NUMBL: variants seen among roughly 807,000 people sequenced by gnomAD.
NUMBL encodes the protein numb-like protein.
A neutral mutation model predicts 48.9 loss-of-function variants in NUMBL; 20 were observed. The ratio of observed to expected loss-of-function variants is 0.41; its 90% CI spans 0.29 to 0.59. NUMBL has a LOEUF of 0.59. Ranked by LOEUF, NUMBL falls within the 20% of genes least tolerant of loss-of-function variation. The pLI is 0.31. For missense variants in NUMBL, 660 were observed against 846.2 expected (o/e 0.78, Z 2.73); for synonymous variants, 340 against 348.7 (o/e 0.98, Z 0.28).
rs938952626 is a variant in NUMBL, at chr19:40,687,605, C to T, written c.25-610G>A. ...CACATTCTCAGCCACATACAAAGAA[C>T]GGGGCCCAGACAACCCACTAGAGCC... On this transcript the variant is annotated intron_variant, in intron 1 of 9. Transcript: ENST00000252891. This position sits in a 1 kb window ranked among gnomAD's most constrained non-coding sequence, Gnocchi z 4.6. 1.3e-5 allele frequency among the ~76,000 whole-genome samples: 2 copies of T among 152,096 alleles called. No individual in the cohort carries two copies. The highest frequency in any genetic ancestry group is 2.9e-5 in the Non-Finnish European group (2 of 68,020).
chr19:40,668,247 GAC>G, intron 9 of NUMBL, 109 bp from the exon 10 acceptor site: 1 of 1,447,726 alleles, frequency 6.9e-7, no homozygotes, highest in Non-Finnish European at 9.1e-7. Context: ...TCTGGAGCCA[GAC>G]CGCCTGCCTC....
chr19:40,689,854 G>C (rs534713602), intron 1 of NUMBL, among the ~76,000 whole-genome samples: 1 of 151,892 alleles, frequency 6.6e-6, no homozygotes. Flanking sequence ...GGCTGGGGTG[G>C]GGTGGAGTCC....
chr19:40,684,651 G>T, intron 2 of NUMBL, 95 bp from the exon 3 acceptor site: 1 of 1,449,292 alleles, frequency 6.9e-7, no homozygotes, highest in Non-Finnish European at 9.2e-7. Context: ...CATGGGGTCA[G>T]ATAACAAGAT....
In NUMBL at chr19:40,673,401, G is replaced by A; in HGVS notation, c.979C>T (p.Leu327=). The A allele has an allele frequency of 6.2e-7, 1 of 1,613,692 alleles. No individual in the cohort carries two copies. The highest frequency in any genetic ancestry group is 2.2e-5 in the East Asian group (1 of 44,874). ...TGCAGCGTGGATGGCAGCTCATTCAGCCGTAGGCTCAGCTGCCGTTTGAAA... is the reference window on the plus strand; with the variant it reads ...TGCAGCGTGGATGGCAGCTCATTCAACCGTAGGCTCAGCTGCCGTTTGAAA... ...SPFKRQLSLR[L]NELPSTLQRR... Residue 327 remains leucine, a synonymous_variant, in exon 8 of 10, where the codon CTG becomes TTG. Transcript: ENST00000252891. The surrounding 1 kb of genome is among the most constrained non-coding windows in gnomAD (Gnocchi z 5.9).
In NUMBL at chr19:40,666,850, A is replaced by G. The variant is rs1486058588; in HGVS notation, c.*618T>C. On this transcript the variant is annotated 3_prime_UTR_variant, in exon 10 of 10. Coordinates refer to ENST00000252891, the MANE Select transcript of NUMBL (RefSeq NM_004756.5). ...GGGCACCGACATGAGGTAACTGCGC[A>G]TCTTCTCCTCCTCCTCCCTCCCCGC... is the stretch of plus-strand genomic sequence containing the variant. 6.5e-6 allele frequency: 1 copy of G among 153,442 alleles called. No homozygotes were observed. The highest frequency in any genetic ancestry group is 2.4e-5 in the African/African-American group (1 of 41,422). The allele number at this position is 153,442 out of a possible 1,614,324, so 9.5% of individuals were successfully genotyped here. A position where few individuals can be genotyped will look rare whatever the true frequency, so the allele number is the denominator to read the frequency against.
chr19:40,678,744 G>C (rs1378518277), intron 6 of NUMBL, among the ~76,000 whole-genome samples: 1 of 152,076 alleles, frequency 6.6e-6, no homozygotes, highest in African/African-American at 2.4e-5. Flanking sequence ...AAACAAATAC[G>C]AATTCTACTT....
chr19:40,683,008 AC>A, intron 3 of NUMBL, 40 bp from the exon 4 acceptor site: 1 of 1,553,106 alleles, frequency 6.4e-7, no homozygotes, highest in Non-Finnish European at 8.9e-7. Context: ...ATGAAACAGC[AC>A]AGTAATCACT....
chr19:40,690,126 A>C (rs2144672479), intron 1 of NUMBL: 1 of 243,242 alleles, frequency 4.1e-6, no homozygotes, highest in South Asian at 1.8e-4. Flanking sequence ...TTGGTTTGAT[A>C]CGGGGGCTGT....
intron 7 of NUMBL, 49 bp downstream of exon 7, chr19:40,677,183 G>C: frequency 6.5e-7 from 1 of 1,536,490 alleles, no homozygotes; most frequent in Non-Finnish European, 8.8e-7. Flanking sequence ...CTGATACTGG[G>C]TACCCTGTGC....
At chr19:40,671,718 ACG>A (rs576402892) in intron 8 of NUMBL, among the ~76,000 whole-genome samples, 115 of 152,178 alleles carry the variant, frequency 7.6e-4, no homozygotes, top group Non-Finnish European at 1.5e-3. Flanking sequence ...CGAGGACATA[ACG>A]GGTAGGCGAT....
At chr19:40,679,469 G>A (rs939792229) in intron 6 of NUMBL, among the ~76,000 whole-genome samples, 2 of 151,814 alleles carry the variant, frequency 1.3e-5, no homozygotes, top group Non-Finnish European at 2.9e-5. Flanking sequence ...ACCTGAGGTC[G>A]GGAGTTCAAG....
rs1306304791 is a variant in NUMBL, at chr19:40,667,233, T to C, written c.*235A>G. ...GGGAAGGGGGCATTGCCAGCCTAAG[T>C]CCGGCAGTGAAATGGTTCCCTTAGC... On this transcript the variant is annotated 3_prime_UTR_variant, in exon 10 of 10. Transcript: ENST00000252891. This position sits in a 1 kb window ranked among gnomAD's most constrained non-coding sequence, Gnocchi z 6.1. 1.2e-5 allele frequency: 7 copies of C among 571,866 alleles called. No individual in the cohort carries two copies. Among genetic ancestry groups the C allele is most frequent in the African/African-American group, 1.1e-4 (6 of 52,952 alleles). 35.4% of individuals were successfully genotyped at this position (571,866 alleles called of 1,614,324 possible).
intron 7 of NUMBL, among the ~76,000 whole-genome samples, chr19:40,676,509 A>G (rs2144655958): frequency 6.6e-6 from 1 of 152,174 alleles, no homozygotes; most frequent in East Asian, 2.0e-4. Flanking sequence ...ACCTGAGGTC[A>G]GGAGTTGAGG....
Position 40,682,662 on chromosome 19 carries a change from C to T in NUMBL, c.399+66G>A, listed in dbSNP as rs2144662851. 3 of 1,508,808 alleles carry T rather than the reference C, an allele frequency of 2.0e-6. No homozygotes were observed. Among genetic ancestry groups the T allele is most frequent in the Non-Finnish European group, 2.7e-6 (3 of 1,094,094 alleles). The allele number at this position is 1,508,808 out of a possible 1,614,324, so 93.5% of individuals were successfully genotyped here. A position where few individuals can be genotyped will look rare whatever the true frequency, so the allele number is the denominator to read the frequency against. On this transcript the variant is annotated intron_variant, in intron 5 of 9. Transcript: ENST00000252891. This position sits in a 1 kb window ranked among gnomAD's most constrained non-coding sequence, Gnocchi z 4.0. ...TGTGCAGAGGAGGCGGGAAGGTGTC[C>T]TCCGCCCTGATTCCAGCAGGGTGAG...
Position 40,666,649 on chromosome 19 carries a change from C to T in NUMBL, c.*819G>A, listed in dbSNP as rs775206318. 6 of 152,636 alleles carry T rather than the reference C, an allele frequency of 3.9e-5. No individual in the cohort carries two copies. Among genetic ancestry groups the T allele is most frequent in the Non-Finnish European group, 5.9e-5 (4 of 68,052 alleles). 9.5% of individuals were successfully genotyped at this position (152,636 alleles called of 1,614,324 possible). A position where few individuals can be genotyped will look rare whatever the true frequency, so the allele number is the denominator to read the frequency against. ...CTCAGGAGGAAAGGTTCTAGGGCCT[C>T]ACCAGCGCCCTACACACACCCTCGT... On this transcript the variant is annotated 3_prime_UTR_variant, in exon 10 of 10. Transcript: ENST00000252891.
intron 2 of NUMBL, chr19:40,684,806 C>G: frequency 2.1e-5 from 9 of 425,326 alleles, no homozygotes; most frequent in East Asian, 4.8e-5. Context: ...GGCTAAGGGG[C>G]TGGAGGTCTG....
Position 40,682,956 on chromosome 19 carries a change from C to T in NUMBL, c.262G>A (p.Val88Met), listed in dbSNP as rs775060183. ...ATTCCCCGGGACTCCTCTACCTCCA[C>T]GTGACCCAGGTACTTGGGTTGGAGG... ...CSFPVRYLGH[V>M]EVEESRGMHV... Residue 88 changes from valine to methionine, a missense_variant, in exon 4 of 10, where the codon GTG becomes ATG. Transcript: ENST00000252891. This position sits in a 1 kb window ranked among gnomAD's most constrained non-coding sequence, Gnocchi z 4.0. 58 of 1,612,888 alleles carry T rather than the reference C, an allele frequency of 3.6e-5. No homozygotes were observed. Among genetic ancestry groups the T allele is most frequent in the South Asian group, 8.8e-5 (8 of 91,046 alleles).
intron 1 of NUMBL, among the ~76,000 whole-genome samples, chr19:40,689,170 G>C (rs528428359): frequency 7.2e-4 from 110 of 152,196 alleles, no homozygotes; most frequent in African/African-American, 2.6e-3. Flanking sequence ...CGTCCTGTCA[G>C]TCACACGCAT....
Position 40,666,774 on chromosome 19 carries a change from A to T in NUMBL, c.*694T>A, listed in dbSNP as rs1414369033. The T allele has an allele frequency of 6.5e-6, 1 of 152,764 alleles. No homozygotes were observed. The highest frequency in any genetic ancestry group is 1.5e-5 in the Non-Finnish European group (1 of 68,140). The allele number at this position is 152,764 out of a possible 1,614,324, so 9.5% of individuals were successfully genotyped here. A position where few individuals can be genotyped will look rare whatever the true frequency, so the allele number is the denominator to read the frequency against. ...AAAAAAATCTGGAAATAAAAGATAGAAAAGTACCCGCCAGGCACCCCTTCC... is the reference window on the plus strand; with the variant it reads ...AAAAAAATCTGGAAATAAAAGATAGTAAAGTACCCGCCAGGCACCCCTTCC... On this transcript the variant is annotated 3_prime_UTR_variant, in exon 10 of 10. Coordinates refer to ENST00000252891, the MANE Select transcript of NUMBL (RefSeq NM_004756.5).
Sources: gnomAD v4.1 joint callset for allele counts (sites outside exome capture counted in the v4.1 genomes callset) on GRCh38, gnomAD v4.1.1 for gene constraint, Gnocchi (gnomAD v3.1) non-coding constraint, MANE v1.5 for transcripts, NCBI Gene and HGNC (gene_info 2026-07-23, HGNC 2026-07-21) for gene names.